Variants in PLCB1 observed in about 807,000 individuals in gnomAD.
The protein encoded by PLCB1 is phospholipase C beta 1.
A neutral mutation model predicts 161.8 loss-of-function variants in PLCB1; 46 were observed. That is an observed-to-expected ratio of 0.28 (90% CI 0.22 to 0.36). The LOEUF (loss-of-function observed/expected upper bound fraction) is 0.36, where lower values mean the gene tolerates loss of function less well. PLCB1 is among the 10% of genes least tolerant of loss of function. The probability of loss-of-function intolerance (pLI) is 1.00; values close to 1 mark genes in which losing one functional copy is unlikely to be tolerated. For missense variants in PLCB1, 1,016 were observed against 1,472.5 expected (o/e 0.69, Z 5.07); for synonymous variants, 517 against 503.7 (o/e 1.03, Z -0.35).
intron 2 of PLCB1, among the ~76,000 whole-genome samples, chr20:8,169,770 G>A (rs765237398): frequency 6.6e-6 from 1 of 152,118 alleles, no homozygotes; most frequent in Non-Finnish European, 1.5e-5. Flanking sequence ...AGGGTGCGTG[G>A]TGCATGTGGC....
At chr20:8,629,838 TTTCTTTCTTTCTTTC>T (rs1988486020) in intron 4 of PLCB1, among the ~76,000 whole-genome samples, 1 of 91,280 alleles carries the variant, frequency 1.1e-5, no homozygotes, top group Non-Finnish European at 2.2e-5. Flanking sequence ...TCTTTCTTTC[TTTCTTTCTTTCTTTC>T]TTTCTTTCTT....
chr20:8,220,937 C>T (rs1429415977), intron 2 of PLCB1, among the ~76,000 whole-genome samples: 7 of 152,086 alleles, frequency 4.6e-5, no homozygotes, highest in Admixed American at 4.6e-4. Context: ...AGCAGTTAGC[C>T]TAAGGTTTAA....
intron 3 of PLCB1, among the ~76,000 whole-genome samples, chr20:8,434,349 T>A (rs1980204907): frequency 6.6e-6 from 1 of 152,204 alleles, no homozygotes; most frequent in South Asian, 2.1e-4. Flanking sequence ...CTGTCCTTAA[T>A]GGTGTTATCA....
At position 8,816,134 on chromosome 20, in the gene PLCB1, A is replaced by C. The variant is rs547267466; in HGVS notation, c.3423+25873A>C. ...TGGGAAGGAACTGATCTTTCAGAAA[A>C]AACCAGGAGATACAGCTAAGTGCCC... On this transcript the variant is annotated intron_variant, in intron 31 of 31. Coordinates refer to ENST00000338037, the MANE Select transcript of PLCB1 (RefSeq NM_015192.4). Among the ~76,000 whole-genome samples, 5 of 152,342 alleles carry C rather than the reference A, an allele frequency of 3.3e-5. 1 individual carries two copies. The highest frequency in any genetic ancestry group is 1.2e-4 in the African/African-American group (5 of 41,582).
chr20:8,522,088 C>A, intron 3 of PLCB1, among the ~76,000 whole-genome samples: 1 of 152,162 alleles, frequency 6.6e-6, no homozygotes, highest in Admixed American at 6.5e-5. Flanking sequence ...GATAGGCAGT[C>A]TGCTACTATC....
intron 27 of PLCB1, among the ~76,000 whole-genome samples, chr20:8,785,834 G>T (rs1330928998): frequency 6.6e-6 from 1 of 152,146 alleles, no homozygotes; most frequent in Non-Finnish European, 1.5e-5. Context: ...GCATAATCAA[G>T]AAAATATTCT....
At chr20:8,424,238 G>C (rs1223836875) in intron 3 of PLCB1, among the ~76,000 whole-genome samples, 1 of 152,116 alleles carries the variant, frequency 6.6e-6, no homozygotes, top group African/African-American at 2.4e-5. Context: ...CAGAGCAAGA[G>C]TGTACAATAC....
At chr20:8,428,148 C>A (rs1038442271) in intron 3 of PLCB1, among the ~76,000 whole-genome samples, 1 of 152,100 alleles carries the variant, frequency 6.6e-6, no homozygotes, top group Admixed American at 6.5e-5. Flanking sequence ...AACAACAGCC[C>A]CCATGACTTG....
chr20:8,521,582 T>C (rs1182742502), intron 3 of PLCB1, among the ~76,000 whole-genome samples: 1 of 152,022 alleles, frequency 6.6e-6, no homozygotes, highest in Non-Finnish European at 1.5e-5. Context: ...GTGTGTGCCT[T>C]CCTCCCAGTT....
intron 2 of PLCB1, among the ~76,000 whole-genome samples, chr20:8,252,465 A>G (rs908885830): frequency 1.0e-5 from 1 of 96,984 alleles, no homozygotes; most frequent in African/African-American, 2.9e-5. Flanking sequence ...GAATGGAAGA[A>G]AAAAAAAAGA....
chr20:8,762,763 GA>G, intron 25 of PLCB1, among the ~76,000 whole-genome samples: 1 of 152,282 alleles, frequency 6.6e-6, no homozygotes, highest in Non-Finnish European at 1.5e-5. Context: ...CACAGTATAA[GA>G]AAAGGAAACA....
chr20:8,823,116 A>G (rs1985514327), intron 31 of PLCB1, among the ~76,000 whole-genome samples: 1 of 151,878 alleles, frequency 6.6e-6, no homozygotes, highest in Non-Finnish European at 1.5e-5. Flanking sequence ...CAAATACTAC[A>G]CCCCTTTTTT....
At chr20:8,589,282 C>T (rs1480820989) in intron 3 of PLCB1, among the ~76,000 whole-genome samples, 1 of 152,202 alleles carries the variant, frequency 6.6e-6, no homozygotes, top group African/African-American at 2.4e-5. Context: ...CCAAAACAGA[C>T]TCATATTCTA....
chr20:8,828,638 G>T (rs1253331238), intron 31 of PLCB1, among the ~76,000 whole-genome samples: 5 of 152,186 alleles, frequency 3.3e-5, no homozygotes, highest in Non-Finnish European at 7.3e-5. Context: ...AATTTCTGCA[G>T]AACTAGGATT....
intron 25 of PLCB1, among the ~76,000 whole-genome samples, chr20:8,762,341 A>G (rs143826134): frequency 2.2e-3 from 328 of 152,372 alleles, no homozygotes; most frequent in Non-Finnish European, 3.8e-3. Flanking sequence ...CTGTACCAAT[A>G]CATTAGCTGT....
chr20:8,869,393 T>C (rs761003018), intron 31 of PLCB1, among the ~76,000 whole-genome samples: 4 of 152,178 alleles, frequency 2.6e-5, no homozygotes, highest in Non-Finnish European at 4.4e-5. Context: ...AGTATTCCAG[T>C]GCTGACATAA....
chr20:8,824,901 A>G (rs1186226872), intron 31 of PLCB1, among the ~76,000 whole-genome samples: 1 of 152,134 alleles, frequency 6.6e-6, no homozygotes, highest in African/African-American at 2.4e-5. Flanking sequence ...ACACCCCATA[A>G]CATCCTGGAT....
chr20:8,829,797 T>G (rs1345568469), intron 31 of PLCB1, among the ~76,000 whole-genome samples: 1 of 152,228 alleles, frequency 6.6e-6, no homozygotes, highest in Non-Finnish European at 1.5e-5. Context: ...AAGTACTCAG[T>G]GTAAAAATTT....
At chr20:8,516,944 A>T (rs1277306026) in intron 3 of PLCB1, among the ~76,000 whole-genome samples, 1 of 152,018 alleles carries the variant, frequency 6.6e-6, no homozygotes, top group Non-Finnish European at 1.5e-5. Context: ...AATAAGTAAG[A>T]TGCTCAATAT....
Sources: gnomAD v4.1 joint callset for allele counts (sites outside exome capture counted in the v4.1 genomes callset) on GRCh38, gnomAD v4.1.1 for gene constraint, MANE v1.5 for transcripts, NCBI Gene and HGNC (gene_info 2026-07-23, HGNC 2026-07-21) for gene names.